GFRAL: variants seen among roughly 807,000 people sequenced by gnomAD.
GFRAL encodes the protein GDNF family receptor alpha like.
GFRAL carries 36 observed loss-of-function variants against 45.4 expected under a neutral mutation model. The ratio of observed to expected loss-of-function variants is 0.79; its 90% confidence interval spans 0.61 to 1.05. The LOEUF (loss-of-function observed/expected upper bound fraction) is 1.05, where lower values mean the gene tolerates loss of function less well. GFRAL is among the 50% of genes least tolerant of loss of function. The pLI is 0.00. For missense variants in GFRAL, 507 were observed against 467.5 expected, an observed-to-expected ratio of 1.08 and a Z score of -0.78; for synonymous variants, 166 against 154.1, an observed-to-expected ratio of 1.08 and a Z score of -0.57.
chr6:55,374,512 G>T (rs1192922291), intron 6 of GFRAL, among the ~76,000 whole-genome samples: 2 of 151,904 alleles, frequency 1.3e-5, no homozygotes, highest in African/African-American at 4.8e-5. Context: ...TAAGTTACTT[G>T]TAGATTCTGG....
chr6:55,337,575 T>G (rs550015213), intron 3 of GFRAL, among the ~76,000 whole-genome samples: 3 of 152,344 alleles, frequency 2.0e-5, no homozygotes, highest in South Asian at 2.1e-4. Context: ...ATTCAATGTG[T>G]TAACTTGTTG....
intron 6 of GFRAL, among the ~76,000 whole-genome samples, chr6:55,394,400 T>C (rs903212389): frequency 2.6e-5 from 4 of 152,112 alleles, no homozygotes; most frequent in African/African-American, 9.7e-5. Context: ...CTCCAGCCTT[T>C]AGAAGTTGAA....
intron 6 of GFRAL, among the ~76,000 whole-genome samples, chr6:55,384,050 C>T (rs1344320981): frequency 2.0e-5 from 3 of 152,032 alleles, no homozygotes; most frequent in African/African-American, 4.8e-5. Flanking sequence ...AAAGATCTCA[C>T]TCATAAGTGA....
chr6:55,346,752 G>A (rs1366431633), intron 3 of GFRAL, among the ~76,000 whole-genome samples: 3 of 144,648 alleles, frequency 2.1e-5, no homozygotes, highest in Non-Finnish European at 3.0e-5. Flanking sequence ...CAAATTTCAA[G>A]ACACTGAAAT....
chr6:55,360,648 A>G (rs2127357727), intron 6 of GFRAL, among the ~76,000 whole-genome samples: 1 of 152,148 alleles, frequency 6.6e-6, no homozygotes, highest in South Asian at 2.1e-4. Context: ...AAATCACGAT[A>G]CAGAGAAGAA....
chr6:55,361,878 AGAGGACTGTGAAGG>A (rs1267145716), intron 6 of GFRAL, among the ~76,000 whole-genome samples: 7 of 152,162 alleles, frequency 4.6e-5, no homozygotes, highest in African/African-American at 1.7e-4. Context: ...AGTGGAACTG[AGAGGACTGTGAAGG>A]GAGGCTTTTC....
intron 5 of GFRAL, among the ~76,000 whole-genome samples, chr6:55,355,452 G>T (rs915712736): frequency 3.9e-5 from 6 of 151,982 alleles, no homozygotes; most frequent in African/African-American, 1.4e-4. Flanking sequence ...TGGACATTTA[G>T]ACATATTCCA....
chr6:55,350,084 C>G lies in GFRAL; in HGVS notation c.317-8C>G. 6.8e-7 allele frequency: 1 copy of G among 1,479,664 alleles called. No individual in the cohort carries two copies. Among genetic ancestry groups the G allele is most frequent in the South Asian group, 1.1e-5 (1 of 87,466 alleles). 91.7% of individuals were successfully genotyped at this position (1,479,664 alleles called of 1,614,324 possible). A position where few individuals can be genotyped will look rare whatever the true frequency, so the allele number is the denominator to read the frequency against. On this transcript the variant is annotated splice_region_variant and splice_polypyrimidine_tract_variant and intron_variant, in intron 3 of 8. Coordinates refer to ENST00000340465, the MANE Select transcript of GFRAL (RefSeq NM_207410.2). ...AATAATGAAATAATTTCTTTGTTTT[C>G]CTTCTAGATAACGTGAAAGAGGATA...
rs1767896133 is a variant in GFRAL, at chr6:55,336,766, A to T, written c.316+2822A>T. ...CTAGAGCTTTCAATATATTAAATAGAATTGTTGAAAGTGGACATCTTACCT... is the reference window on the plus strand; with the variant it reads ...CTAGAGCTTTCAATATATTAAATAGTATTGTTGAAAGTGGACATCTTACCT... On this transcript the variant is annotated intron_variant, in intron 3 of 8. Transcript: ENST00000340465. 2.0e-5 allele frequency among the ~76,000 whole-genome samples: 3 copies of T among 152,122 alleles called. No individual in the cohort carries two copies. In the South Asian group the frequency reaches 6.2e-4, roughly 32 times the overall value.
At chr6:55,349,462 T>C (rs1430533579) in intron 3 of GFRAL, among the ~76,000 whole-genome samples, 1 of 152,118 alleles carries the variant, frequency 6.6e-6, no homozygotes, top group Non-Finnish European at 1.5e-5. Context: ...TATTTCCTTC[T>C]GGGCTGTGGG....
chr6:55,363,431 ATTC>A (rs1209785882), intron 6 of GFRAL, among the ~76,000 whole-genome samples: 2 of 81,914 alleles, frequency 2.4e-5, no homozygotes, highest in East Asian at 3.1e-4. Context: ...TGGTAGCTTA[ATTC>A]TTTTTTTTTT....
At chr6:55,398,783 A>G (rs1339273189) in intron 6 of GFRAL, among the ~76,000 whole-genome samples, 3 of 152,190 alleles carry the variant, frequency 2.0e-5, no homozygotes, top group African/African-American at 7.2e-5. Flanking sequence ...AAAAAGCAAA[A>G]CTAGGTATTC....
At chr6:55,365,088 A>G (rs1425532218) in intron 6 of GFRAL, among the ~76,000 whole-genome samples, 2 of 151,502 alleles carry the variant, frequency 1.3e-5, no homozygotes, top group African/African-American at 2.4e-5. Flanking sequence ...ATGTTCTTCC[A>G]TTTGTTTGTA....
intron 3 of GFRAL, among the ~76,000 whole-genome samples, chr6:55,342,510 A>G (rs1315189968): frequency 1.3e-5 from 2 of 152,164 alleles, no homozygotes; most frequent in Non-Finnish European, 2.9e-5. Flanking sequence ...GCCCTAAAAG[A>G]GCTCCTGAAG....
chr6:55,370,251 A>T (rs891115709), intron 6 of GFRAL, among the ~76,000 whole-genome samples: 1 of 152,110 alleles, frequency 6.6e-6, no homozygotes, highest in African/African-American at 2.4e-5. Flanking sequence ...GTCTCTCAAC[A>T]TCACATTCTT....
At chr6:55,356,541 C>T (rs1768197318) in intron 5 of GFRAL, among the ~76,000 whole-genome samples, 1 of 151,818 alleles carries the variant, frequency 6.6e-6, no homozygotes, top group Non-Finnish European at 1.5e-5. Context: ...ATTTCTGTGG[C>T]ATCATTTGTA....
intron 3 of GFRAL, among the ~76,000 whole-genome samples, chr6:55,343,868 C>T (rs1016310612): frequency 2.0e-5 from 3 of 149,612 alleles, no homozygotes; most frequent in Admixed American, 6.6e-5. Flanking sequence ...TACAGAAATA[C>T]ATCCCACAGA....
intron 4 of GFRAL, among the ~76,000 whole-genome samples, chr6:55,350,765 C>A (rs1768106193): frequency 6.6e-6 from 1 of 152,082 alleles, no homozygotes; most frequent in Non-Finnish European, 1.5e-5. Flanking sequence ...TTATTTGGCA[C>A]CAACTGTTTT....
intron 6 of GFRAL, among the ~76,000 whole-genome samples, chr6:55,383,890 G>C (rs115016012): frequency 1.3e-5 from 2 of 152,030 alleles, no homozygotes; most frequent in African/African-American, 4.8e-5. Context: ...GATTCTCTTC[G>C]GAAAATCAGG....
Sources: gnomAD v4.1 joint callset for allele counts (sites outside exome capture counted in the v4.1 genomes callset) on GRCh38, gnomAD v4.1.1 for gene constraint, MANE v1.5 for transcripts, NCBI Gene and HGNC (gene_info 2026-07-23, HGNC 2026-07-21) for gene names.